The following AGBL1 variants were observed in gnomAD, a reference collection of about 807,000 sequenced individuals.
AGBL1 encodes the protein AGBL carboxypeptidase 1, also known as cytosolic carboxypeptidase 4.
AGBL1 carries 130 observed loss-of-function variants against 118.9 expected under a neutral mutation model. The ratio of observed to expected loss-of-function variants is 1.09; its 90% CI spans 0.95 to 1.26. The LOEUF is 1.26. Ranked by LOEUF, AGBL1 falls within the 50% of genes most tolerant of loss-of-function variation. AGBL1 has a pLI of 0.00. For synonymous variants in AGBL1, 555 were observed against 478.9 expected (o/e 1.16, Z -2.08); for missense variants, 1,584 against 1,298.1 (o/e 1.22, Z -3.38).
intron 4 of AGBL1, among the ~76,000 whole-genome samples, chr15:86,158,421 C>G (rs2077221907): frequency 6.6e-6 from 1 of 152,112 alleles, no homozygotes; most frequent in South Asian, 2.1e-4. Flanking sequence ...AAACACAAGT[C>G]CAGTGGAGGA....
intron 22 of AGBL1, among the ~76,000 whole-genome samples, chr15:86,809,885 G>C (rs1000106118): frequency 2.6e-5 from 4 of 152,088 alleles, no homozygotes; most frequent in Admixed American, 1.3e-4. Context: ...CTTGATGTGA[G>C]TTTTATATGT....
At chr15:86,728,588 G>T (rs1832052902) in intron 22 of AGBL1, among the ~76,000 whole-genome samples, 1 of 152,008 alleles carries the variant, frequency 6.6e-6, no homozygotes, top group African/African-American at 2.4e-5. Context: ...AAAAAACCTT[G>T]CCTTTATTTA....
intron 1 of AGBL1, among the ~76,000 whole-genome samples, chr15:86,110,944 A>G (rs906991153): frequency 1.1e-4 from 17 of 152,222 alleles, no homozygotes; most frequent in African/African-American, 3.9e-4. Flanking sequence ...CCAAGCTATG[A>G]AAGCTCTGTG....
intron 22 of AGBL1, among the ~76,000 whole-genome samples, chr15:86,678,981 A>G (rs886511914): frequency 1.2e-4 from 18 of 152,202 alleles, no homozygotes; most frequent in African/African-American, 4.3e-4. Context: ...AGCTTTTAAT[A>G]CTGTAGCTTT....
chr15:86,647,259 C>G (rs1281978410), intron 21 of AGBL1, among the ~76,000 whole-genome samples: 1 of 151,902 alleles, frequency 6.6e-6, no homozygotes, highest in African/African-American at 2.4e-5. Context: ...GACAATAAAA[C>G]ATGGACAATA....
At chr15:86,578,987 A>G (rs1350429897) in intron 21 of AGBL1, among the ~76,000 whole-genome samples, 1 of 152,154 alleles carries the variant, frequency 6.6e-6, no homozygotes. Flanking sequence ...CATTTTCACC[A>G]TCATCATAAT....
chr15:86,444,121 C>T (rs2082095389), intron 18 of AGBL1, among the ~76,000 whole-genome samples: 1 of 152,136 alleles, frequency 6.6e-6, no homozygotes, highest in Non-Finnish European at 1.5e-5. Flanking sequence ...CACTTGATAT[C>T]TTTTGTCTTT....
At chr15:86,717,802 G>A (rs1050909875) in intron 22 of AGBL1, among the ~76,000 whole-genome samples, 17 of 152,228 alleles carry the variant, frequency 1.1e-4, no homozygotes, top group African/African-American at 2.6e-4. Flanking sequence ...AATTCAGGCC[G>A]GGCATGGTGG....
chr15:86,891,616 T>C (rs1009407727), intron 22 of AGBL1, among the ~76,000 whole-genome samples: 1 of 151,800 alleles, frequency 6.6e-6, no homozygotes, highest in African/African-American at 2.4e-5. Flanking sequence ...GGGTATCTTT[T>C]GAATGCTGAA....
At chr15:86,606,079 A>G (rs1378375313) in intron 21 of AGBL1, among the ~76,000 whole-genome samples, 1 of 139,368 alleles carries the variant, frequency 7.2e-6, no homozygotes, top group Non-Finnish European at 1.5e-5. Flanking sequence ...GTGAGCCAAG[A>G]TGGTGCCACT....
At chr15:87,017,484 G>C (rs1328839404) in intron 24 of AGBL1, among the ~76,000 whole-genome samples, 1 of 152,072 alleles carries the variant, frequency 6.6e-6, no homozygotes, top group Non-Finnish European at 1.5e-5. Flanking sequence ...AATACTTCAA[G>C]GTACATGAAA....
chr15:86,709,143 C>A (rs1331116427), intron 22 of AGBL1, among the ~76,000 whole-genome samples: 1 of 152,112 alleles, frequency 6.6e-6, no homozygotes, highest in Non-Finnish European at 1.5e-5. Context: ...CTGGAAAACA[C>A]TTTTCTCATC....
chr15:86,625,369 TTTTTTTTTTGTTTTTG>T (rs556641375), intron 21 of AGBL1, among the ~76,000 whole-genome samples: 2,560 of 51,358 alleles, frequency 0.05, 376 homozygotes, highest in East Asian at 0.14. Context: ...ATTAGCGTTT[TTTTTTTTTTGTTTTTG>T]TTTTTTTTTT....
chr15:86,926,411 A>G (rs1169922530), intron 23 of AGBL1, among the ~76,000 whole-genome samples: 5 of 152,186 alleles, frequency 3.3e-5, no homozygotes, highest in Admixed American at 2.0e-4. Context: ...TGACTTTCCA[A>G]TAGCTTAGTA....
At chr15:86,980,383 C>G (rs1314099855) in intron 23 of AGBL1, among the ~76,000 whole-genome samples, 1 of 152,172 alleles carries the variant, frequency 6.6e-6, no homozygotes, top group Admixed American at 6.5e-5. Context: ...CAAAAAATAG[C>G]ATTGGCTGCT....
At chr15:86,416,572 T>C (rs2081698459) in intron 18 of AGBL1, among the ~76,000 whole-genome samples, 1 of 148,994 alleles carries the variant, frequency 6.7e-6, no homozygotes, top group African/African-American at 2.5e-5. Flanking sequence ...CACTTTTTTA[T>C]AAAAAAAAAA....
intron 22 of AGBL1, among the ~76,000 whole-genome samples, chr15:86,796,306 A>C (rs1051087644): frequency 6.6e-6 from 1 of 152,212 alleles, no homozygotes; most frequent in Non-Finnish European, 1.5e-5. Flanking sequence ...TTTGAACATA[A>C]TACACTCTGT....
chr15:87,004,352 C>A (rs908696867), intron 24 of AGBL1, among the ~76,000 whole-genome samples: 1 of 152,136 alleles, frequency 6.6e-6, no homozygotes, highest in South Asian at 2.1e-4. Context: ...TAAGGACTTT[C>A]TTTATGAATC....
At chr15:86,544,616 C>T (rs910291944) in intron 19 of AGBL1, among the ~76,000 whole-genome samples, 1 of 152,104 alleles carries the variant, frequency 6.6e-6, no homozygotes, top group African/African-American at 2.4e-5. Context: ...GGGAATTCCC[C>T]TTTATAAAAC....
Sources: allele counts gnomAD v4.1 joint callset (sites outside exome capture counted in the v4.1 genomes callset), GRCh38; gene constraint gnomAD v4.1.1; transcripts MANE v1.5; gene names NCBI Gene and HGNC (gene_info 2026-07-23, HGNC 2026-07-21).